The following ART3 variants were observed in gnomAD, a reference collection of about 807,000 sequenced individuals.
The protein encoded by ART3 is ADP-ribosyltransferase 3 (inactive), also known as ecto-ADP-ribosyltransferase 3.
A neutral mutation model predicts 48.5 loss-of-function variants in ART3; 49 were observed. The ratio of observed to expected loss-of-function variants is 1.01; its 90% CI spans 0.80 to 1.28. The LOEUF (loss-of-function observed/expected upper bound fraction) is 1.28, where lower values mean the gene tolerates loss of function less well. Among genes scored for constraint, ART3 ranks in the 50% most tolerant of loss-of-function variants. The probability of loss-of-function intolerance (pLI) is 0.00; values close to 1 mark genes in which losing one functional copy is unlikely to be tolerated. For missense variants in ART3, 438 were observed against 454.3 expected (o/e 0.96, Z 0.33); for synonymous variants, 145 against 157.2 (o/e 0.92, Z 0.58).
chr4:76,105,451 A>G lies in ART3; in HGVS notation c.1003+822A>G, dbSNP rs566967916. On this transcript the variant is annotated intron_variant, in intron 10 of 11. Transcript: ENST00000355810. The stretch of plus-strand genomic sequence containing the variant: ...AGTACCTAGCAAAGTACCTAGCAAA[A>G]TGAATGGTGGTAACATAGTAGTAAA... 98 of 1,249,826 alleles carry G rather than the reference A, an allele frequency of 7.8e-5. 1 individual carries two copies. In the African/African-American group the frequency reaches 1.2e-3, roughly 15 times the overall value. The allele number at this position is 1,249,826 out of a possible 1,614,324, so 77.4% of individuals were successfully genotyped here. A position where few individuals can be genotyped will look rare whatever the true frequency, so the allele number is the denominator to read the frequency against.
chr4:76,035,626 A>G (rs1734319069), intron 1 of ART3, among the ~76,000 whole-genome samples: 1 of 152,350 alleles, frequency 6.6e-6, no homozygotes, highest in East Asian at 1.9e-4. Flanking sequence ...TTTTCCCAGG[A>G]AGCTTGTTAA....
At chr4:76,017,143 A>C (rs147324193) in intron 1 of ART3, among the ~76,000 whole-genome samples, 87 of 152,172 alleles carry the variant, frequency 5.7e-4, no homozygotes, top group African/African-American at 2.0e-3. Context: ...AAGCAGAAGG[A>C]ATCTCTCACT....
At chr4:76,034,254 T>C in intron 1 of ART3, 1 of 394,782 alleles carries the variant, frequency 2.5e-6, no homozygotes, top group Non-Finnish European at 4.5e-6. Flanking sequence ...TGAGGAATGT[T>C]TTACGACACA....
intron 1 of ART3, among the ~76,000 whole-genome samples, chr4:76,047,965 A>G (rs1428242805): frequency 6.6e-6 from 1 of 151,910 alleles, no homozygotes; most frequent in East Asian, 1.9e-4. Context: ...AGAGAGGGAG[A>G]AGGGGACAGG....
At chr4:76,072,675 C>T (rs1210214141), upstream of ART3, among the ~76,000 whole-genome samples, 1 of 107,416 alleles carries the variant, frequency 9.3e-6, no homozygotes, top group Non-Finnish European at 1.7e-5. Context: ...TGATTTGCTC[C>T]TTTTCTCTTA....
At chr4:76,086,065 C>CG (rs1205903673) in intron 3 of ART3, among the ~76,000 whole-genome samples, 1 of 151,180 alleles carries the variant, frequency 6.6e-6, no homozygotes, top group African/African-American at 2.4e-5. Context: ...AGAGTCCCCC[C>CG]CCCCGCTCCC....
At chr4:76,030,022 A>G (rs1244915345) in intron 1 of ART3, among the ~76,000 whole-genome samples, 1 of 152,022 alleles carries the variant, frequency 6.6e-6, no homozygotes, top group Non-Finnish European at 1.5e-5. Flanking sequence ...TCAGACTCAA[A>G]TCCTTAACAT....
At chr4:76,019,046 A>G (rs951718567) in intron 1 of ART3, among the ~76,000 whole-genome samples, 1 of 128,490 alleles carries the variant, frequency 7.8e-6, no homozygotes, top group African/African-American at 3.7e-5. Flanking sequence ...CATCTCAAGG[A>G]AAAAAAAAAA....
At chr4:76,107,502 G>A (rs958988173) in intron 10 of ART3, 3 of 282,460 alleles carry the variant, frequency 1.1e-5, no homozygotes, top group African/African-American at 6.7e-5. Flanking sequence ...AGTTCAATAT[G>A]TAGAAAATAC....
rs748447231 is a variant in ART3 at position 76,035,360 on chromosome 4, A to G, written c.-10+24040A>G. The G allele has an allele frequency of 8.7e-6, 14 of 1,612,216 alleles. No individual in the cohort carries two copies. The South Asian group carries it at 1.3e-4, about 15-fold the overall frequency. On this transcript the variant is annotated intron_variant, in intron 1 of 9. Coordinates refer to the ART3 transcript ENST00000341029. ...GGGGAAGCCTAGAATAGATCATAGC[A>G]TTAGTTAGTAATGCATCTGATTGCA...
chr4:76,103,178 G>A (rs1201336411), intron 8 of ART3, among the ~76,000 whole-genome samples: 3 of 152,086 alleles, frequency 2.0e-5, no homozygotes, highest in Non-Finnish European at 4.4e-5. Flanking sequence ...TATTTACTGA[G>A]ACTAGCTACA....
At chr4:76,011,423 C>T (rs1297115438) in intron 1 of ART3, 3 of 152,830 alleles carry the variant, frequency 2.0e-5, no homozygotes, top group African/African-American at 7.2e-5. Flanking sequence ...GGAAGGTTCT[C>T]AGCGGCGGTG....
In ART3 at chr4:76,099,021, G is replaced by A. The variant is rs1275240565; in HGVS notation, c.847+34G>A. The A allele has an allele frequency of 3.8e-6, 6 of 1,585,396 alleles. No homozygotes were observed. In the South Asian group the frequency reaches 4.4e-5, roughly 12 times the overall value. Reference sequence around the variant, plus strand: ...GTTCTAATTTTTAAAAATAATCTTGGTTGGGCATGGTGGCTCACGCCTGTA... The same window carrying A: ...GTTCTAATTTTTAAAAATAATCTTGATTGGGCATGGTGGCTCACGCCTGTA... On this transcript the variant is annotated intron_variant, in intron 5 of 11. Coordinates refer to ENST00000355810, the MANE Select transcript of ART3 (RefSeq NM_001130016.3).
intron 10 of ART3, among the ~76,000 whole-genome samples, chr4:76,105,169 G>A (rs987526022): frequency 3.3e-5 from 5 of 152,130 alleles, no homozygotes; most frequent in African/African-American, 9.7e-5. Flanking sequence ...CACCTTGTGC[G>A]TCTACATCTC....
chr4:76,064,303 A>G (rs1334283779), intron 1 of ART3, among the ~76,000 whole-genome samples: 3 of 152,222 alleles, frequency 2.0e-5, no homozygotes, highest in Non-Finnish European at 1.5e-5. Context: ...CTCAGAAACT[A>G]AAGGAAAAAT....
chr4:76,087,210 G>C (rs565456054), intron 3 of ART3, among the ~76,000 whole-genome samples: 6 of 152,290 alleles, frequency 3.9e-5, no homozygotes, highest in South Asian at 2.1e-4. Context: ...AACCAAAGAG[G>C]TTCTATTGGA....
intron 1 of ART3, among the ~76,000 whole-genome samples, chr4:76,058,224 G>A (rs1718870694): frequency 6.6e-6 from 1 of 152,128 alleles, no homozygotes; most frequent in African/African-American, 2.4e-5. Flanking sequence ...TTTACTATTG[G>A]AATTACATTT....
intron 11 of ART3, among the ~76,000 whole-genome samples, chr4:76,110,006 T>C (rs1384122714): frequency 1.3e-5 from 2 of 152,250 alleles, no homozygotes; most frequent in African/African-American, 4.8e-5. Flanking sequence ...TAGGTCAGCA[T>C]GAAACAGTTT....
intron 1 of ART3, among the ~76,000 whole-genome samples, chr4:76,058,370 T>G (rs1335954442): frequency 6.6e-6 from 1 of 152,180 alleles, no homozygotes; most frequent in Non-Finnish European, 1.5e-5. Flanking sequence ...TTGGTCTGAT[T>G]AGTGTACCTA....
Sources: gnomAD v4.1 joint callset for allele counts (sites outside exome capture counted in the v4.1 genomes callset) on GRCh38, gnomAD v4.1.1 for gene constraint, MANE v1.5 for transcripts, NCBI Gene and HGNC (gene_info 2026-07-23, HGNC 2026-07-21) for gene names.